The following DOK6 variants were observed in gnomAD, a reference collection of about 807,000 sequenced individuals.
DOK6 encodes the protein docking protein 6.
Under a neutral mutation model 44.0 loss-of-function variants are expected in DOK6, and 22 were observed. That is an observed-to-expected ratio of 0.50 (90% confidence interval 0.36 to 0.71). The LOEUF is 0.71. Ranked by LOEUF, DOK6 falls within the 30% of genes least tolerant of loss-of-function variation. The probability of loss-of-function intolerance (pLI) is 0.00; values close to 1 mark genes in which losing one functional copy is unlikely to be tolerated. For synonymous variants in DOK6, 166 were observed against 145.5 expected (o/e 1.14, Z -1.01); for missense variants, 340 against 416.4 (o/e 0.82, Z 1.60).
intron 7 of DOK6, among the ~76,000 whole-genome samples, chr18:69,837,014 G>A (rs894907771): frequency 6.6e-6 from 1 of 152,026 alleles, no homozygotes; most frequent in African/African-American, 2.4e-5. Context: ...GTAAAGAAAC[G>A]GTTGCAGTAA....
intron 1 of DOK6, among the ~76,000 whole-genome samples, chr18:69,470,371 C>G (rs955725162): frequency 6.6e-6 from 1 of 152,158 alleles, no homozygotes; most frequent in Admixed American, 6.5e-5. Context: ...ACAGGAGACC[C>G]CTTTGCAGGA....
intron 7 of DOK6, among the ~76,000 whole-genome samples, chr18:69,774,131 G>T (rs1235514080): frequency 7.2e-5 from 1 of 13,858 alleles, no homozygotes; most frequent in Non-Finnish European, 3.9e-4. Context: ...ATATATATAT[G>T]AGATATATAT....
intron 7 of DOK6, among the ~76,000 whole-genome samples, chr18:69,798,800 G>A (rs980656718): frequency 6.6e-6 from 1 of 151,568 alleles, no homozygotes; most frequent in Non-Finnish European, 1.5e-5. Context: ...AAGTTTTTAT[G>A]TTATAGAGAC....
chr18:69,689,788 G>A (rs1986226082), intron 4 of DOK6, among the ~76,000 whole-genome samples: 1 of 151,986 alleles, frequency 6.6e-6, no homozygotes. Flanking sequence ...TTATTTTATT[G>A]CATCTTAATT....
intron 2 of DOK6, 71 bp from the exon 3 acceptor site, chr18:69,599,313 C>A: frequency 9.7e-7 from 1 of 1,028,110 alleles, no homozygotes; most frequent in South Asian, 1.6e-5. Context: ...GATAACTTAT[C>A]ATTTTGTTTC....
chr18:69,558,835 G>A lies in DOK6; in HGVS notation c.67-5652G>A, dbSNP rs185135455. ...TGACAAAATCTGAGCAGAATCTTTA[G>A]TTTAGTTAATAGTATTTGACCAATA... is the stretch of plus-strand genomic sequence containing the variant. On this transcript the variant is annotated intron_variant, in intron 1 of 7. Transcript: ENST00000382713. Among the ~76,000 whole-genome samples the A allele has an allele frequency of 3.1e-3, 477 of 152,180 alleles. 2 individuals are homozygous for A. The highest frequency in any genetic ancestry group is 5.9e-3 in the Non-Finnish European group (403 of 67,982).
intron 7 of DOK6, among the ~76,000 whole-genome samples, chr18:69,836,594 G>A (rs908514023): frequency 5.9e-5 from 9 of 152,068 alleles, no homozygotes; most frequent in Non-Finnish European, 1.3e-4. Flanking sequence ...AAGGTAAGAG[G>A]ACTTTTAAAA....
At chr18:69,450,944 C>A (rs1394674795) in intron 1 of DOK6, among the ~76,000 whole-genome samples, 1 of 148,964 alleles carries the variant, frequency 6.7e-6, no homozygotes, top group Non-Finnish European at 1.5e-5. Flanking sequence ...CGGTACCAGC[C>A]GCTGCAAAAT....
At chr18:69,839,216 C>T (rs1173684176) in intron 7 of DOK6, among the ~76,000 whole-genome samples, 1 of 149,274 alleles carries the variant, frequency 6.7e-6, no homozygotes, top group East Asian at 2.0e-4. Context: ...GCTCCTCTCC[C>T]AGTCTCTCCC....
intron 3 of DOK6, among the ~76,000 whole-genome samples, chr18:69,655,773 A>C (rs1163613802): frequency 6.8e-6 from 1 of 147,718 alleles, no homozygotes; most frequent in African/African-American, 2.5e-5. Flanking sequence ...AAAAAAAAAA[A>C]AAAAAAAAAA....
rs565300224 is a variant in DOK6 at position 69,547,039 on chromosome 18, C to T, written c.67-17448C>T. Among the ~76,000 whole-genome samples the T allele has an allele frequency of 1.0e-3, 151 of 151,570 alleles. 5 individuals carry two copies. Among genetic ancestry groups the T allele is most frequent in the Middle Eastern group, 3.4e-3 (1 of 292 alleles). ...TGAAGTGGGAGCAGACATGTTTTCA[C>T]GTGGAAAAAGCAGGAACAAGAGAGA... On this transcript the variant is annotated intron_variant, in intron 1 of 7. Transcript: ENST00000382713.
intron 7 of DOK6, among the ~76,000 whole-genome samples, chr18:69,811,351 CA>C: frequency 6.6e-6 from 1 of 151,716 alleles, no homozygotes; most frequent in Non-Finnish European, 1.5e-5. Context: ...CACAAAATTT[CA>C]GTTACATAGG....
At chr18:69,558,592 T>C (rs1257027389) in intron 1 of DOK6, among the ~76,000 whole-genome samples, 1 of 152,174 alleles carries the variant, frequency 6.6e-6, no homozygotes, top group East Asian at 1.9e-4. Flanking sequence ...CATTATTTGA[T>C]GAGATGTTTA....
intron 1 of DOK6, among the ~76,000 whole-genome samples, chr18:69,559,094 A>G (rs543186301): frequency 6.2e-4 from 94 of 152,274 alleles, no homozygotes; most frequent in African/African-American, 2.2e-3. Context: ...GTAATAGCAA[A>G]GAGATAAGAT....
Position 69,701,773 on chromosome 18 carries a change from A to G in DOK6, c.599+3180A>G, listed in dbSNP as rs182829105. 1.6e-3 allele frequency among the ~76,000 whole-genome samples: 243 copies of G among 152,320 alleles called. 1 individual carries two copies. Among genetic ancestry groups the G allele is most frequent in the Middle Eastern group, 0.01 (3 of 294 alleles). The stretch of plus-strand genomic sequence containing the variant: ...AATTTTTAACAATTAGAAATGCAAA[A>G]TAATACTTAAATATTGCAATATAGT... On this transcript the variant is annotated intron_variant, in intron 5 of 7. Coordinates refer to ENST00000382713, the MANE Select transcript of DOK6 (RefSeq NM_152721.6).
At chr18:69,743,151 A>T (rs1400720597) in intron 6 of DOK6, among the ~76,000 whole-genome samples, 1 of 152,244 alleles carries the variant, frequency 6.6e-6, no homozygotes, top group African/African-American at 2.4e-5. Flanking sequence ...TTGAAGATAC[A>T]TGGGAGAATT....
At chr18:69,632,497 G>A (rs1479654915) in intron 3 of DOK6, among the ~76,000 whole-genome samples, 3 of 151,978 alleles carry the variant, frequency 2.0e-5, no homozygotes, top group East Asian at 1.9e-4. Flanking sequence ...AGATAACATC[G>A]GTGTATCAGA....
At position 69,843,015 on chromosome 18, in the gene DOK6, T is replaced by C. The variant is rs779831588; in HGVS notation, c.*1632T>C. On this transcript the variant is annotated 3_prime_UTR_variant, in exon 8 of 8. Coordinates refer to ENST00000382713, the MANE Select transcript of DOK6 (RefSeq NM_152721.6). ...TCCCTATCTGTAGCTTGAGTGCAGA[T>C]TGACAATTCATTTCAGTGAATTACT... 3 of 152,312 alleles carry C rather than the reference T, an allele frequency of 2.0e-5. No homozygotes were observed. The highest frequency in any genetic ancestry group is 2.1e-4 in the South Asian group (1 of 4,826). 9.4% of individuals were successfully genotyped at this position (152,312 alleles called of 1,614,324 possible).
intron 1 of DOK6, among the ~76,000 whole-genome samples, chr18:69,501,961 T>C (rs1355197930): frequency 1.3e-5 from 2 of 152,130 alleles, no homozygotes; most frequent in Non-Finnish European, 2.9e-5. Context: ...CCCAGAACAA[T>C]GATCTGTAAC....
Sources: allele counts gnomAD v4.1 joint callset (sites outside exome capture counted in the v4.1 genomes callset), GRCh38; gene constraint gnomAD v4.1.1; transcripts MANE v1.5; gene names NCBI Gene and HGNC (gene_info 2026-07-23, HGNC 2026-07-21).